Variants in MGMT observed in about 807,000 individuals in gnomAD.
MGMT encodes O-6-methylguanine-DNA methyltransferase.
A neutral mutation model predicts 15.9 loss-of-function variants in MGMT; 14 were observed. The observed-to-expected ratio is 0.88, with a 90% CI of 0.58 to 1.37. The LOEUF (loss-of-function observed/expected upper bound fraction) is 1.37. Among genes scored for constraint, MGMT ranks in the 40% most tolerant of loss-of-function variants. The pLI, the probability that MGMT is intolerant of heterozygous loss-of-function variation, is 0.00. For missense variants in MGMT, 282 were observed against 268.1 expected (o/e 1.05, Z -0.36); for synonymous variants, 130 against 118.2 (o/e 1.10, Z -0.65).
At chr10:129,750,462 A>G (rs529039542) in intron 3 of MGMT, among the ~76,000 whole-genome samples, 14 of 149,970 alleles carry the variant, frequency 9.3e-5, no homozygotes, top group African/African-American at 3.4e-4. Context: ...ACATCCATGT[A>G]TTCAACCAAC....
At chr10:129,524,883 C>T (rs180955100) in intron 1 of MGMT, among the ~76,000 whole-genome samples, 6 of 152,274 alleles carry the variant, frequency 3.9e-5, no homozygotes, top group African/African-American at 1.4e-4. Context: ...AGCCACCGCA[C>T]CCGGCCCCAG....
rs527576341 is a variant in MGMT at position 129,767,222 on chromosome 10, A to G, written c.*225A>G. ...TGCCCTTGCTCTATTTTTCATGTCC[A>G]TTAAAACAGGCCAAGTGAGTGTGGA... On this transcript the variant is annotated 3_prime_UTR_variant, in exon 5 of 5. Transcript: ENST00000651593. The G allele has an allele frequency of 1.8e-5, 8 of 456,542 alleles. No individual in the cohort carries two copies. Among genetic ancestry groups the G allele is most frequent in the Non-Finnish European group, 3.1e-5 (8 of 256,496 alleles). The allele number at this position is 456,542 out of a possible 1,614,324, so 28.3% of individuals were successfully genotyped here. A position where few individuals can be genotyped will look rare whatever the true frequency, so the allele number is the denominator to read the frequency against.
At chr10:129,744,614 G>A (rs1457244477) in intron 3 of MGMT, among the ~76,000 whole-genome samples, 1 of 152,216 alleles carries the variant, frequency 6.6e-6, no homozygotes, top group Non-Finnish European at 1.5e-5. Flanking sequence ...GCCTGCAGAG[G>A]CCTGGGCCAC....
intron 2 of MGMT, among the ~76,000 whole-genome samples, chr10:129,645,725 C>T (rs1564746907): frequency 6.6e-6 from 1 of 152,198 alleles, no homozygotes; most frequent in Admixed American, 6.5e-5. Flanking sequence ...TTCTTGTGGA[C>T]ACGTTCTTTC....
In MGMT at chr10:129,766,771, GC is replaced by G. The variant is rs753247942; in HGVS notation, c.415-11del. The G allele has an allele frequency of 1.2e-5, 20 of 1,603,302 alleles. No individual in the cohort carries two copies. The highest frequency in any genetic ancestry group is 8.9e-5 in the South Asian group (8 of 90,042). On this transcript the variant is annotated splice_polypyrimidine_tract_variant and intron_variant, in intron 4 of 4. Transcript: ENST00000651593. ...TCCAGATCCCTGACTGACAGTGGCT[GC>G]CCCCCTGTCTTCCAGGTCCCCATCC...
At chr10:129,543,883 G>C (rs1277242404) in intron 2 of MGMT, among the ~76,000 whole-genome samples, 1 of 152,206 alleles carries the variant, frequency 6.6e-6, no homozygotes, top group African/African-American at 2.4e-5. Flanking sequence ...AAATAGGTGA[G>C]TTCAGAATAT....
intron 1 of MGMT, among the ~76,000 whole-genome samples, chr10:129,529,104 G>T (rs1457567281): frequency 6.6e-6 from 1 of 152,028 alleles, no homozygotes; most frequent in East Asian, 1.9e-4. Context: ...TGTGCAGGCT[G>T]GGAAGGAGAC....
At chr10:129,707,055 A>G (rs1848172110) in intron 2 of MGMT, among the ~76,000 whole-genome samples, 1 of 152,118 alleles carries the variant, frequency 6.6e-6, no homozygotes, top group Non-Finnish European at 1.5e-5. Flanking sequence ...TGAGGTCAGG[A>G]GTTCGAGACC....
chr10:129,755,573 G>A (rs948703020), intron 3 of MGMT, among the ~76,000 whole-genome samples: 6 of 152,312 alleles, frequency 3.9e-5, no homozygotes, highest in Admixed American at 1.3e-4. Flanking sequence ...GAAGCCACAC[G>A]GACCTTGACA....
intron 2 of MGMT, among the ~76,000 whole-genome samples, chr10:129,644,611 C>T (rs1299471891): frequency 6.6e-6 from 1 of 152,206 alleles, no homozygotes; most frequent in East Asian, 1.9e-4. Context: ...GAGCTCACAC[C>T]GAGGCCTCAA....
intron 2 of MGMT, among the ~76,000 whole-genome samples, chr10:129,625,550 C>T (rs907648230): frequency 7.2e-5 from 11 of 152,258 alleles, no homozygotes; most frequent in South Asian, 4.1e-4. Flanking sequence ...AAAAATCAAT[C>T]GGTGTAATTC....
chr10:129,481,370 G>A (rs1219983324), intron 1 of MGMT, among the ~76,000 whole-genome samples: 1 of 152,232 alleles, frequency 6.6e-6, no homozygotes, highest in South Asian at 2.1e-4. Flanking sequence ...GTGTGGATAT[G>A]TTTGAGGATT....
In MGMT at chr10:129,556,976, T is replaced by G. The variant is rs1846221395; in HGVS notation, c.125+20599T>G. Among the ~76,000 whole-genome samples, 1 of 152,152 alleles carries G rather than the reference T, an allele frequency of 6.6e-6. No homozygotes were observed. The highest frequency in any genetic ancestry group is 1.5e-5 in the Non-Finnish European group (1 of 68,038). The stretch of plus-strand genomic sequence containing the variant: ...ACCGTCTTTCAGAACGTTTGTGCGG[T>G]GGCGTGTCCCTTCTGTAAATTGCTG... On this transcript the variant is annotated intron_variant, in intron 2 of 4. Coordinates refer to ENST00000651593, the MANE Select transcript of MGMT (RefSeq NM_002412.5). The surrounding 1 kb of genome is among the most constrained non-coding windows in gnomAD (Gnocchi z 4.3).
In MGMT at chr10:129,566,507, C is replaced by T. The variant is rs755659049; in HGVS notation, c.125+30130C>T. On this transcript the variant is annotated intron_variant, in intron 2 of 4. Transcript: ENST00000651593. This position sits in a 1 kb window ranked among gnomAD's most constrained non-coding sequence, Gnocchi z 4.1. ...CTATCCAGAGCTCATTGTCCTCTCC[C>T]ACTTCCTCCCCGAGCTTCCCATTCC... 1.3e-5 allele frequency among the ~76,000 whole-genome samples: 2 copies of T among 152,150 alleles called. No individual in the cohort carries two copies. Among genetic ancestry groups the T allele is most frequent in the African/African-American group, 4.8e-5 (2 of 41,440 alleles).
intron 2 of MGMT, among the ~76,000 whole-genome samples, chr10:129,541,003 G>A (rs1050582243): frequency 1.5e-4 from 23 of 152,230 alleles, no homozygotes; most frequent in East Asian, 1.9e-4. Context: ...ACCCTTCTCC[G>A]AGTGCCTATG....
chr10:129,648,729 AT>A (rs1847424050), intron 2 of MGMT, among the ~76,000 whole-genome samples: 1 of 152,110 alleles, frequency 6.6e-6, no homozygotes, highest in Non-Finnish European at 1.5e-5. Flanking sequence ...TGTATTTTGA[AT>A]GATTTGGAAT....
chr10:129,678,090 C>A (rs976336845), intron 2 of MGMT, among the ~76,000 whole-genome samples: 1 of 152,080 alleles, frequency 6.6e-6, no homozygotes, highest in African/African-American at 2.4e-5. Context: ...CTCGGGAAGG[C>A]TGGGCGTAAA....
intron 2 of MGMT, among the ~76,000 whole-genome samples, chr10:129,550,015 A>C (rs746183757): frequency 1.3e-5 from 2 of 152,304 alleles, no homozygotes; most frequent in East Asian, 3.9e-4. Context: ...GGACAGTAAA[A>C]TCACAAAGTT....
intron 1 of MGMT, among the ~76,000 whole-genome samples, chr10:129,510,838 G>A: frequency 6.7e-6 from 1 of 150,126 alleles, no homozygotes; most frequent in South Asian, 2.1e-4. Flanking sequence ...GCAGGCACGT[G>A]CTTCATGCAG....
Sources: allele counts gnomAD v4.1 joint callset (sites outside exome capture counted in the v4.1 genomes callset), GRCh38; gene constraint gnomAD v4.1.1; non-coding constraint Gnocchi (gnomAD v3.1); transcripts MANE v1.5; gene names NCBI Gene and HGNC (gene_info 2026-07-23, HGNC 2026-07-21).